The following CCR3 variants were observed in gnomAD, a reference collection of about 807,000 sequenced individuals.
The protein encoded by CCR3 is C-C motif chemokine receptor 3, also known as C-C chemokine receptor type 3.
For missense variants in CCR3, 419 were observed against 437.5 expected, an observed-to-expected ratio of 0.96 and a Z score of 0.38; for synonymous variants, 203 against 179.2, an observed-to-expected ratio of 1.13 and a Z score of -1.06.
At chr3:46,254,660 C>T (rs1023606124) in intron 1 of CCR3, among the ~76,000 whole-genome samples, 21 of 152,248 alleles carry the variant, frequency 1.4e-4, no homozygotes, top group Admixed American at 3.9e-4. Context: ...CCCTGAGTCC[C>T]CAAAGTCCAT....
chr3:46,235,390 G>A (rs1268808626), intron 2 of CCR3, among the ~76,000 whole-genome samples: 1 of 152,206 alleles, frequency 6.6e-6, no homozygotes, highest in Non-Finnish European at 1.5e-5. Context: ...ATCATGGTTA[G>A]CATTGGAGGC....
intron 2 of CCR3, among the ~76,000 whole-genome samples, chr3:46,228,753 G>A (rs1306685589): frequency 2.0e-5 from 3 of 152,228 alleles, no homozygotes; most frequent in Non-Finnish European, 4.4e-5. Flanking sequence ...ATCTTGCGTT[G>A]CCTTAATCCT....
chr3:46,249,841 G>T lies in CCR3; in HGVS notation c.-12+7303G>T, dbSNP rs565179076. On this transcript the variant is annotated intron_variant, in intron 1 of 1. Coordinates refer to ENST00000395940, the MANE Select transcript of CCR3 (RefSeq NM_178329.3). ...CTTGTGTGCTGGGGATGTGGCTGGG[G>T]TTTGTCTCACAGTGGAGGCAGGGAA... Among the ~76,000 whole-genome samples, 4 of 151,942 alleles carry T rather than the reference G, an allele frequency of 2.6e-5. No homozygotes were observed. The South Asian group carries it at 8.3e-4, about 32-fold the overall frequency.
At chr3:46,240,779 C>T (rs9842607), upstream of CCR3, among the ~76,000 whole-genome samples, 1,198 of 152,262 alleles carry the variant, frequency 7.9e-3, 15 homozygotes, top group African/African-American at 0.026. Context: ...GGCATTGCTA[C>T]ATCATTTTGC....
chr3:46,264,255 C>T, intron 1 of CCR3: 1 of 685,868 alleles, frequency 1.5e-6, no homozygotes, highest in South Asian at 1.6e-5. Flanking sequence ...GTTACCAGGC[C>T]TAACTCAGCA....
chr3:46,227,129 C>G (rs1352511652), intron 2 of CCR3, among the ~76,000 whole-genome samples: 1 of 152,098 alleles, frequency 6.6e-6, no homozygotes, highest in Non-Finnish European at 1.5e-5. Flanking sequence ...ATCCCAGCCC[C>G]TGCCTCAGCC....
intron 2 of CCR3, among the ~76,000 whole-genome samples, chr3:46,231,117 G>A (rs1236558169): frequency 1.3e-5 from 2 of 152,140 alleles, no homozygotes; most frequent in Admixed American, 6.5e-5. Flanking sequence ...TAGAGAAGGG[G>A]TTTCACCATG....
At chr3:46,255,956 G>A (rs1216096212) in intron 1 of CCR3, among the ~76,000 whole-genome samples, 1 of 151,946 alleles carries the variant, frequency 6.6e-6, no homozygotes, top group African/African-American at 2.4e-5. Context: ...GTATTGAGAT[G>A]GAAATTACAT....
chr3:46,226,873 TA>T (rs1699905651), intron 2 of CCR3, among the ~76,000 whole-genome samples: 1 of 151,548 alleles, frequency 6.6e-6, no homozygotes, highest in African/African-American at 2.4e-5. Flanking sequence ...TATATATATA[TA>T]TTTTCTTTTT....
intron 2 of CCR3, among the ~76,000 whole-genome samples, chr3:46,227,742 AT>A (rs1408584038): frequency 1.4e-4 from 21 of 152,200 alleles, no homozygotes; most frequent in African/African-American, 5.1e-4. Context: ...TTAGTTCTGT[AT>A]ATTTTTAAAT....
At position 46,265,305 on chromosome 3, in the gene CCR3, C is replaced by T; in HGVS notation, c.147C>T (p.Leu49=). ...ACTCCCTGGTGTTCACTGTGGGCCT[C>T]TTGGGCAATGTGGTGGTGGTGATGA... ...PLYSLVFTVG[L]LGNVVVVMIL... Residue 49 remains leucine (L), a synonymous_variant, in exon 2 of 2, where the codon CTC becomes CTT. Coordinates refer to ENST00000395940, the MANE Select transcript of CCR3 (RefSeq NM_178329.3). 6.2e-7 allele frequency: 1 copy of T among 1,614,050 alleles called. No homozygotes were observed. The highest frequency in any genetic ancestry group is 8.5e-7 in the Non-Finnish European group (1 of 1,180,010).
chr3:46,230,619 A>C (rs1699953053), intron 2 of CCR3, among the ~76,000 whole-genome samples: 1 of 152,114 alleles, frequency 6.6e-6, no homozygotes, highest in African/African-American at 2.4e-5. Flanking sequence ...CTCATCTCCC[A>C]GGGTCACTGA....
chr3:46,261,616 C>T (rs953205362), intron 1 of CCR3, among the ~76,000 whole-genome samples: 3 of 152,312 alleles, frequency 2.0e-5, no homozygotes, highest in East Asian at 3.9e-4. Flanking sequence ...GGGCATGGAG[C>T]GCTCTCTGCT....
chr3:46,220,503 A>G (rs996979800), intron 2 of CCR3, among the ~76,000 whole-genome samples: 2 of 152,232 alleles, frequency 1.3e-5, no homozygotes, highest in East Asian at 1.9e-4. Flanking sequence ...ACTACTGGGT[A>G]TCTACCCAGA....
intron 2 of CCR3, among the ~76,000 whole-genome samples, chr3:46,225,966 A>G (rs1220067219): frequency 6.6e-6 from 1 of 152,112 alleles, no homozygotes; most frequent in East Asian, 1.9e-4. Flanking sequence ...ATGGCTTTAC[A>G]CCTTTGTCAA....
intron 1 of CCR3, among the ~76,000 whole-genome samples, chr3:46,256,413 A>C (rs1700424898): frequency 8.2e-6 from 1 of 121,474 alleles, no homozygotes; most frequent in Non-Finnish European, 1.6e-5. Context: ...AAAGACTAAA[A>C]TTTTAAATCC....
chr3:46,216,066 A>T (rs1007120593), intron 2 of CCR3, among the ~76,000 whole-genome samples: 1 of 152,228 alleles, frequency 6.6e-6, no homozygotes, highest in Non-Finnish European at 1.5e-5. Flanking sequence ...GTCCCACTCC[A>T]TGGAGGACTG....
chr3:46,264,140 G>C (rs773824911), intron 1 of CCR3: 26 of 422,316 alleles, frequency 6.2e-5, no homozygotes, highest in Non-Finnish European at 1.1e-4. Context: ...TGGCCTTAGG[G>C]CTCCTGGCCT....
chr3:46,265,477 A>C lies in CCR3; in HGVS notation c.319A>C (p.Lys107Gln). The change falls in exon 2 of 2, where the codon AAG (lysine) becomes CAG (glutamine). Residue 107 changes from lysine to glutamine, a missense_variant. Lys to Gln is a moderately conservative substitution (Grantham distance 53). Transcript: ENST00000395940. ...HNWVFGHGMC[K>Q]LLSGFYHTGL... The stretch of plus-strand genomic sequence containing the variant: ...CTGGGTTTTTGGCCATGGCATGTGT[A>C]AGCTCCTCTCAGGGTTTTATCACAC... 1.2e-6 allele frequency: 2 copies of C among 1,614,184 alleles called. No homozygotes were observed. The highest frequency in any genetic ancestry group is 1.7e-6 in the Non-Finnish European group (2 of 1,180,012).
Sources: gnomAD v4.1 joint callset for allele counts (sites outside exome capture counted in the v4.1 genomes callset) on GRCh38, gnomAD v4.1.1 for gene constraint, MANE v1.5 for transcripts, NCBI Gene and HGNC (gene_info 2026-07-23, HGNC 2026-07-21) for gene names.